The following MOB4 variants were observed in gnomAD, a reference collection of about 807,000 sequenced individuals.
MOB4 encodes the protein MOB-like protein phocein.
In MOB4, 4 loss-of-function variants were observed where a neutral mutation model predicts 32.2. The observed-to-expected ratio is 0.12, with a 90% confidence interval of 0.06 to 0.28. MOB4 has a LOEUF of 0.28. Ranked by LOEUF, MOB4 falls within the 10% of genes least tolerant of loss-of-function variation. The pLI is 1.00. For synonymous variants in MOB4, 88 were observed against 88.1 expected, an observed-to-expected ratio of 1.00 and a Z score of 0.01; for missense variants, 158 against 271.2, an observed-to-expected ratio of 0.58 and a Z score of 2.93.
intron 2 of MOB4, among the ~76,000 whole-genome samples, chr2:197,525,926 C>T (rs149352361): frequency 6.6e-6 from 1 of 152,018 alleles, no homozygotes; most frequent in South Asian, 2.1e-4. Context: ...TGAATTTGTT[C>T]ATTTATTCTC....
At chr2:197,548,445 A>T (rs1317130642) in intron 6 of MOB4, 30 bp downstream of exon 6, 3 of 1,309,010 alleles carry the variant, frequency 2.3e-6, no homozygotes, top group South Asian at 2.6e-5. Context: ...ATAGTGTTAA[A>T]CATTTTAGAG....
At chr2:197,532,806 C>G (rs918061658) in intron 2 of MOB4, among the ~76,000 whole-genome samples, 5 of 151,900 alleles carry the variant, frequency 3.3e-5, no homozygotes, top group African/African-American at 1.2e-4. Flanking sequence ...ACTAAGAGTT[C>G]TAGCCATAGA....
intron 1 of MOB4, among the ~76,000 whole-genome samples, chr2:197,521,895 A>G (rs893767820): frequency 1.3e-5 from 2 of 152,192 alleles, no homozygotes; most frequent in Non-Finnish European, 2.9e-5. Context: ...TAACACAATT[A>G]TCACAGGGTC....
chr2:197,525,958 T>G (rs1335089475), intron 2 of MOB4, among the ~76,000 whole-genome samples: 1 of 152,208 alleles, frequency 6.6e-6, no homozygotes, highest in East Asian at 1.9e-4. Context: ...GGATGTGAAA[T>G]CATTAGGGTT....
At chr2:197,544,079 G>A (rs996980087) in intron 5 of MOB4, among the ~76,000 whole-genome samples, 1 of 150,318 alleles carries the variant, frequency 6.7e-6, no homozygotes, top group Admixed American at 6.7e-5. Context: ...CAAGAGTTTC[G>A]CTCTGTCGCC....
chr2:197,535,169 T>C (rs754273212), intron 2 of MOB4, among the ~76,000 whole-genome samples: 4 of 150,804 alleles, frequency 2.7e-5, no homozygotes, highest in Non-Finnish European at 4.4e-5. Flanking sequence ...ATTGCAGTGA[T>C]CTGAGATTGT....
Position 197,553,017 on chromosome 2 carries a change from G to T in MOB4, c.*2371G>T, listed in dbSNP as rs1040621667. 2 of 152,146 alleles carry T rather than the reference G, an allele frequency of 1.3e-5. No homozygotes were observed. Among genetic ancestry groups the T allele is most frequent in the African/African-American group, 2.4e-5 (1 of 41,436 alleles). 9.4% of individuals were successfully genotyped at this position (152,146 alleles called of 1,614,324 possible). A position where few individuals can be genotyped will look rare whatever the true frequency, so the allele number is the denominator to read the frequency against. ...CTTTTAACTATTTATGTTCCCATAA[G>T]TAACCCTTCTTTTGTGTGTATACAT... On this transcript the variant is annotated 3_prime_UTR_variant, in exon 8 of 8. Transcript: ENST00000323303.
At chr2:197,533,094 A>G (rs980992328) in intron 2 of MOB4, among the ~76,000 whole-genome samples, 1 of 151,898 alleles carries the variant, frequency 6.6e-6, no homozygotes, top group Admixed American at 6.6e-5. Flanking sequence ...GTGAGACTCT[A>G]TCTCAAAAAC....
intron 2 of MOB4, among the ~76,000 whole-genome samples, chr2:197,535,081 G>A (rs1271357729): frequency 2.0e-5 from 3 of 152,062 alleles, no homozygotes; most frequent in South Asian, 2.1e-4. Flanking sequence ...AAGTTAGCCC[G>A]GCGTGATGGC....
chr2:197,519,851 C>T (rs1004947409), intron 1 of MOB4, among the ~76,000 whole-genome samples: 1 of 152,062 alleles, frequency 6.6e-6, no homozygotes, highest in African/African-American at 2.4e-5. Flanking sequence ...AACTTTAGAT[C>T]ATATAGGAAA....
intron 1 of MOB4, among the ~76,000 whole-genome samples, chr2:197,518,562 G>T (rs1459320926): frequency 2.1e-5 from 3 of 142,718 alleles, no homozygotes; most frequent in African/African-American, 7.8e-5. Context: ...GCACCTGGAG[G>T]TTTTTTTTTT....
chr2:197,544,827 A>G (rs1346807268), intron 5 of MOB4, among the ~76,000 whole-genome samples: 1 of 152,194 alleles, frequency 6.6e-6, no homozygotes, highest in East Asian at 1.9e-4. Flanking sequence ...AATGTTAAGA[A>G]AAAAGCATCA....
At chr2:197,537,992 A>T (rs1194328453) in intron 3 of MOB4, among the ~76,000 whole-genome samples, 4 of 151,996 alleles carry the variant, frequency 2.6e-5, no homozygotes, top group Admixed American at 2.6e-4. Context: ...GTTGGTCAGG[A>T]TGGTCTTGAT....
intron 2 of MOB4, among the ~76,000 whole-genome samples, chr2:197,525,709 C>CA (rs368659222): frequency 0.061 from 3,884 of 64,164 alleles, 139 homozygotes; most frequent in African/African-American, 0.15. Flanking sequence ...GACCCTATCT[C>CA]AAAAAAAAAA....
chr2:197,540,234 A>G, intron 4 of MOB4, 81 bp downstream of exon 4: 1 of 1,532,432 alleles, frequency 6.5e-7, no homozygotes, highest in Non-Finnish European at 8.8e-7. Flanking sequence ...TGTGCTTACA[A>G]AAACGTATCC....
intron 6 of MOB4, among the ~76,000 whole-genome samples, chr2:197,549,829 G>A (rs1245312635): frequency 6.7e-6 from 1 of 148,210 alleles, no homozygotes; most frequent in Non-Finnish European, 1.5e-5. Context: ...GGGATTACAG[G>A]CGTGAGCCAC....
At chr2:197,544,821 T>C (rs2086966142) in intron 5 of MOB4, among the ~76,000 whole-genome samples, 1 of 151,616 alleles carries the variant, frequency 6.6e-6, no homozygotes, top group Non-Finnish European at 1.5e-5. Context: ...TTTTAAAATG[T>C]TAAGAAAAAA....
intron 2 of MOB4, chr2:197,533,762 C>G (rs2086749532): frequency 2.3e-6 from 1 of 438,260 alleles, no homozygotes; most frequent in Non-Finnish European, 4.4e-6. Flanking sequence ...TGATCCCTTT[C>G]CCTGTCATCA....
intron 5 of MOB4, among the ~76,000 whole-genome samples, chr2:197,545,960 A>G (rs2086985602): frequency 6.6e-6 from 1 of 152,232 alleles, no homozygotes; most frequent in Non-Finnish European, 1.5e-5. Context: ...CATTAATTTT[A>G]TATCAATTAC....
Sources: allele counts gnomAD v4.1 joint callset (sites outside exome capture counted in the v4.1 genomes callset), GRCh38; gene constraint gnomAD v4.1.1; transcripts MANE v1.5; gene names NCBI Gene and HGNC (gene_info 2026-07-23, HGNC 2026-07-21).